Variants in MTNAP1 observed in about 807,000 individuals in gnomAD.
MTNAP1 encodes the protein mitochondrial nucleoid associated protein 1, also known as mitochondrial nucleoid-associated protein 1.
the MTNAP1 span, chr17:73,233,428 A>G: frequency 6.6e-6 from 1 of 152,326 alleles, no homozygotes; most frequent in African/African-American, 2.4e-5. Flanking sequence ...AACGTCTAGC[A>G]GGTGTCAAGC....
chr17:73,238,938 T>G, the MTNAP1 span, among the ~76,000 whole-genome samples: 15 of 151,012 alleles, frequency 9.9e-5, no homozygotes, highest in African/African-American at 1.5e-4. Context: ...TGTGTGTGTT[T>G]TGTTTTTTTG....
chr17:73,236,602 C>CA, the MTNAP1 span: 3 of 1,614,182 alleles, frequency 1.9e-6, no homozygotes, highest in Non-Finnish European at 8.5e-7. Context: ...GTCAAGTAGT[C>CA]AAAGTCTTGC....
At chr17:73,242,188 A>T in the MTNAP1 span, 1 of 1,187,384 alleles carries the variant, frequency 8.4e-7, no homozygotes, top group Non-Finnish European at 1.2e-6. Flanking sequence ...ACTGGATGTT[A>T]GGGAAGGGGG....
At chr17:73,236,833 G>T in the MTNAP1 span, 2 of 1,614,120 alleles carry the variant, frequency 1.2e-6, no homozygotes, top group Non-Finnish European at 1.7e-6. Context: ...TGCTGCAGCT[G>T]CTGGCAGGAA....
chr17:73,246,594 G>A, the MTNAP1 span, among the ~76,000 whole-genome samples: 1 of 152,074 alleles, frequency 6.6e-6, no homozygotes, highest in Non-Finnish European at 1.5e-5. Context: ...CTTGTATGTC[G>A]TTTCTCTCTC....
the MTNAP1 span, among the ~76,000 whole-genome samples, chr17:73,237,873 A>G: frequency 1.3e-5 from 2 of 152,188 alleles, no homozygotes; most frequent in Non-Finnish European, 2.9e-5. Context: ...GGCTCAGGAA[A>G]TGAACAGTGA....
the MTNAP1 span, among the ~76,000 whole-genome samples, chr17:73,237,817 A>T: frequency 6.6e-6 from 1 of 152,190 alleles, no homozygotes; most frequent in African/African-American, 2.4e-5. Context: ...CACAGGTAAA[A>T]CTAGCCAGGT....
chr17:73,242,274 T>A, the MTNAP1 span: 1 of 1,603,634 alleles, frequency 6.2e-7, no homozygotes, highest in Admixed American at 1.8e-5. Flanking sequence ...TCAACTCATA[T>A]AAGGAGTTTG....
At chr17:73,248,362 CT>C in the MTNAP1 span, 4 of 835,318 alleles carry the variant, frequency 4.8e-6, no homozygotes, top group Non-Finnish European at 7.8e-6. Flanking sequence ...AAGAACGTCT[CT>C]AACATGATTT....
At chr17:73,247,388 C>T in the MTNAP1 span, 3 of 1,591,554 alleles carry the variant, frequency 1.9e-6, no homozygotes, top group African/African-American at 1.3e-5. Flanking sequence ...TCTCTAGTGC[C>T]TTCGTGCCCT....
the MTNAP1 span, among the ~76,000 whole-genome samples, chr17:73,237,969 G>A: frequency 6.6e-6 from 1 of 152,178 alleles, no homozygotes; most frequent in African/African-American, 2.4e-5. Flanking sequence ...AATAAAACCA[G>A]TGATTGAGCC....
At chr17:73,236,169 T>C in the MTNAP1 span, 87 of 1,614,066 alleles carry the variant, frequency 5.4e-5, no homozygotes, top group Middle Eastern at 1.6e-4. Flanking sequence ...GTGATTGTCA[T>C]ATTTCTCCAA....
the MTNAP1 span, chr17:73,235,867 A>G: frequency 7.4e-6 from 12 of 1,613,996 alleles, no homozygotes; most frequent in East Asian, 1.3e-4. Context: ...TACTAAACCA[A>G]TGACTACTTT....
the MTNAP1 span, chr17:73,233,330 G>C: frequency 3.9e-5 from 6 of 152,232 alleles, no homozygotes; most frequent in Non-Finnish European, 8.8e-5. Context: ...GCTCGGGTAA[G>C]AAAACAGACA....
chr17:73,235,245 C>T, the MTNAP1 span, among the ~76,000 whole-genome samples: 7 of 151,188 alleles, frequency 4.6e-5, no homozygotes, highest in East Asian at 1.9e-4. Context: ...AATAAATAAC[C>T]TTTGGTTCCT....
chr17:73,235,681 G>C, the MTNAP1 span: 1 of 1,614,150 alleles, frequency 6.2e-7, no homozygotes, highest in Non-Finnish European at 8.5e-7. Context: ...TAAAGCTAAA[G>C]GGAAAGAGTT....
the MTNAP1 span, chr17:73,236,588 C>T: frequency 1.7e-5 from 28 of 1,614,044 alleles, no homozygotes; most frequent in Non-Finnish European, 2.2e-5. Context: ...CATTCTGTAT[C>T]GCAGTCAAGT....
At chr17:73,248,360 C>T in the MTNAP1 span, 3 of 817,872 alleles carry the variant, frequency 3.7e-6, no homozygotes, top group East Asian at 2.7e-5. Flanking sequence ...AAAAGAACGT[C>T]TCTAACATGA....
the MTNAP1 span, chr17:73,243,025 G>T: frequency 6.3e-7 from 1 of 1,578,466 alleles, no homozygotes; most frequent in Non-Finnish European, 8.7e-7. Flanking sequence ...TATATTTCTA[G>T]CCTAAATAAC....
Sources: gnomAD v4.1 joint callset for allele counts (sites outside exome capture counted in the v4.1 genomes callset) on GRCh38, gnomAD v4.1.1 for gene constraint, MANE v1.5 for transcripts, NCBI Gene and HGNC (gene_info 2026-07-23, HGNC 2026-07-21) for gene names.